GRID2: variants seen among roughly 807,000 people sequenced by gnomAD.
GRID2 encodes the protein glutamate receptor ionotropic, delta-2.
A neutral mutation model predicts 114.8 loss-of-function variants in GRID2; 33 were observed. That is an observed-to-expected ratio of 0.29 (90% CI 0.22 to 0.38). The LOEUF is 0.38. Ranked by LOEUF, GRID2 falls within the 10% of genes least tolerant of loss-of-function variation. GRID2 has a pLI of 1.00. For synonymous variants in GRID2, 505 were observed against 449.9 expected, an observed-to-expected ratio of 1.12 and a Z score of -1.55; for missense variants, 1,184 against 1,257.7, an observed-to-expected ratio of 0.94 and a Z score of 0.89.
intron 2 of GRID2, among the ~76,000 whole-genome samples, chr4:92,931,961 A>C (rs1295972255): frequency 6.6e-6 from 1 of 151,232 alleles, no homozygotes; most frequent in Non-Finnish European, 1.5e-5. Flanking sequence ...TTCACACATA[A>C]AATTAATTTG....
intron 8 of GRID2, among the ~76,000 whole-genome samples, chr4:93,291,128 G>T (rs1579564016): frequency 1.3e-5 from 2 of 150,926 alleles, no homozygotes; most frequent in African/African-American, 2.4e-5. Flanking sequence ...CCGCCCACCA[G>T]ATCCAAAGTG....
intron 1 of GRID2, among the ~76,000 whole-genome samples, chr4:92,585,148 G>A (rs1728368651): frequency 6.6e-6 from 1 of 151,928 alleles, no homozygotes; most frequent in Non-Finnish European, 1.5e-5. Flanking sequence ...TTGATGAATA[G>A]ATGGATGAAT....
chr4:92,538,030 T>G (rs1023184666), intron 1 of GRID2, among the ~76,000 whole-genome samples: 7 of 152,170 alleles, frequency 4.6e-5, no homozygotes, highest in Admixed American at 4.6e-4. Context: ...GTCATTATGA[T>G]TCTTGTATGT....
chr4:92,903,039 T>G (rs565048771), intron 2 of GRID2, among the ~76,000 whole-genome samples: 11 of 152,120 alleles, frequency 7.2e-5, no homozygotes, highest in South Asian at 2.1e-4. Context: ...TTATTCAGGC[T>G]CCTTTCTGGT....
chr4:93,150,872 A>C (rs1386361708), intron 4 of GRID2, among the ~76,000 whole-genome samples: 5 of 151,984 alleles, frequency 3.3e-5, no homozygotes, highest in Non-Finnish European at 7.4e-5. Flanking sequence ...CTCGCCTGTA[A>C]TCCCAGCACT....
chr4:92,821,721 T>A (rs2149387887), intron 2 of GRID2, among the ~76,000 whole-genome samples: 1 of 152,238 alleles, frequency 6.6e-6, no homozygotes, highest in South Asian at 2.1e-4. Context: ...CTATTTTAAG[T>A]AATATTCTCT....
chr4:92,391,520 T>C (rs192588106), intron 1 of GRID2, among the ~76,000 whole-genome samples: 1 of 152,266 alleles, frequency 6.6e-6, no homozygotes, highest in East Asian at 1.9e-4. Flanking sequence ...AAATGATAAA[T>C]ATTGAGATTG....
intron 1 of GRID2, 143 bp downstream of exon 1, chr4:92,304,887 C>G: frequency 1.5e-6 from 1 of 686,424 alleles, no homozygotes; most frequent in East Asian, 2.7e-5. Flanking sequence ...ACCCTTCCCT[C>G]ACACTTGCTC....
chr4:92,425,492 C>T (rs960714811), intron 1 of GRID2, among the ~76,000 whole-genome samples: 1 of 152,052 alleles, frequency 6.6e-6, no homozygotes, highest in Non-Finnish European at 1.5e-5. Context: ...TATACTTTAG[C>T]TGGATATTTC....
At chr4:92,855,824 G>C (rs1172372170) in intron 2 of GRID2, among the ~76,000 whole-genome samples, 1 of 151,826 alleles carries the variant, frequency 6.6e-6, no homozygotes, top group Non-Finnish European at 1.5e-5. Flanking sequence ...GAGATCAATG[G>C]AGTACAAGAA....
At chr4:92,521,955 A>T (rs1339209251) in intron 1 of GRID2, among the ~76,000 whole-genome samples, 1 of 152,054 alleles carries the variant, frequency 6.6e-6, no homozygotes, top group Non-Finnish European at 1.5e-5. Context: ...GTGCTTGGGA[A>T]ATAGTAAACA....
intron 2 of GRID2, among the ~76,000 whole-genome samples, chr4:92,845,959 C>T (rs908215397): frequency 1.3e-5 from 2 of 152,100 alleles, no homozygotes; most frequent in Admixed American, 1.3e-4. Context: ...TTCCACCTGG[C>T]TCTTCATTTC....
chr4:93,486,086 G>A (rs1433456418), intron 11 of GRID2, among the ~76,000 whole-genome samples: 2 of 151,604 alleles, frequency 1.3e-5, no homozygotes, highest in South Asian at 2.1e-4. Flanking sequence ...ATCTTTAAAT[G>A]AGTTTGTTCC....
At chr4:92,749,290 C>T (rs745693140) in intron 2 of GRID2, among the ~76,000 whole-genome samples, 16 of 141,500 alleles carry the variant, frequency 1.1e-4, no homozygotes, top group Non-Finnish European at 1.8e-4. Flanking sequence ...TGAGACGCCG[C>T]GCCCGGCCTT....
intron 4 of GRID2, among the ~76,000 whole-genome samples, chr4:93,159,587 A>T: frequency 6.6e-6 from 1 of 151,750 alleles, no homozygotes; most frequent in East Asian, 1.9e-4. Context: ...CTAATACAGA[A>T]GAGTCTTAGC....
At chr4:93,335,690 CTTTCT>C (rs1265021621) in intron 8 of GRID2, among the ~76,000 whole-genome samples, 1 of 106,776 alleles carries the variant, frequency 9.4e-6, no homozygotes, top group Non-Finnish European at 1.9e-5. Flanking sequence ...TTTCTTTCTT[CTTTCT>C]TTTTTTTTTT....
At chr4:93,647,306 G>A (rs1012901424) in intron 14 of GRID2, among the ~76,000 whole-genome samples, 4 of 152,134 alleles carry the variant, frequency 2.6e-5, no homozygotes, top group East Asian at 1.9e-4. Flanking sequence ...GAAATCAAAT[G>A]TTCCTAAGAA....
At chr4:92,381,495 A>G (rs894823439) in intron 1 of GRID2, among the ~76,000 whole-genome samples, 8 of 140,596 alleles carry the variant, frequency 5.7e-5, no homozygotes, top group African/African-American at 1.8e-4. Flanking sequence ...CTATGGTAAT[A>G]TAAAAGAAGT....
chr4:93,161,720 T>C (rs1737700268), intron 4 of GRID2, among the ~76,000 whole-genome samples: 1 of 151,912 alleles, frequency 6.6e-6, no homozygotes, highest in African/African-American at 2.4e-5. Flanking sequence ...GAAACTATCA[T>C]CTCCAATTCC....
Sources: allele counts gnomAD v4.1 joint callset (sites outside exome capture counted in the v4.1 genomes callset), GRCh38; gene constraint gnomAD v4.1.1; transcripts MANE v1.5; gene names NCBI Gene and HGNC (gene_info 2026-07-23, HGNC 2026-07-21).